ZFHX3: variants seen among roughly 807,000 people sequenced by gnomAD.
The protein encoded by ZFHX3 is zinc finger homeobox protein 3.
A neutral mutation model predicts 279.1 loss-of-function variants in ZFHX3; 42 were observed. The ratio of observed to expected loss-of-function variants is 0.15; its 90% CI spans 0.12 to 0.19. The LOEUF is 0.19. Among genes scored for constraint, ZFHX3 ranks in the 10% least tolerant of loss-of-function variants. The pLI is 1.00. For missense variants in ZFHX3, 4,981 were observed against 4,754.0 expected, an observed-to-expected ratio of 1.05 and a Z score of -1.40; for synonymous variants, 2,293 against 1,957.8, an observed-to-expected ratio of 1.17 and a Z score of -4.52.
intron 5 of ZFHX3, among the ~76,000 whole-genome samples, chr16:73,215,642 C>T (rs2012177617): frequency 6.6e-6 from 1 of 152,176 alleles, no homozygotes; most frequent in African/African-American, 2.4e-5. Context: ...CAACGTATCA[C>T]AAACTGCTGT....
intron 5 of ZFHX3, among the ~76,000 whole-genome samples, chr16:73,212,649 C>T (rs571755586): frequency 5.9e-5 from 9 of 152,330 alleles, no homozygotes; most frequent in African/African-American, 1.2e-4. Context: ...AGCTCATGAC[C>T]GTCACCTGGA....
chr16:73,606,164 T>G (rs1018380236), intron 2 of ZFHX3, among the ~76,000 whole-genome samples: 2 of 110,976 alleles, frequency 1.8e-5, no homozygotes, highest in Non-Finnish European at 3.3e-5. Flanking sequence ...CCTGGGGGAT[T>G]GAGCTAGGCT....
chr16:73,337,892 C>CCGG (rs1555510883), intron 3 of ZFHX3, among the ~76,000 whole-genome samples: 1 of 79,162 alleles, frequency 1.3e-5, no homozygotes, highest in Non-Finnish European at 3.0e-5. Flanking sequence ...CTTCCCTTGG[C>CCGG]GGGGGGGGGG....
intron 9 of ZFHX3, chr16:72,790,926 G>A (rs539931286): frequency 2.0e-5 from 3 of 152,300 alleles, no homozygotes; most frequent in Admixed American, 6.5e-5. Flanking sequence ...CTATATAAGA[G>A]GTTCAAATTT....
At chr16:73,586,507 GCTATA>G (rs2051928678) in intron 2 of ZFHX3, among the ~76,000 whole-genome samples, 1 of 148,880 alleles carries the variant, frequency 6.7e-6, no homozygotes, top group South Asian at 2.1e-4. Context: ...ACCTACTACA[GCTATA>G]CTATTATTAT....
chr16:73,862,634 G>C (rs1326905361), intron 1 of ZFHX3, among the ~76,000 whole-genome samples: 3 of 152,116 alleles, frequency 2.0e-5, no homozygotes, highest in Admixed American at 1.3e-4. Context: ...AAAGTAGCCA[G>C]GTGTGGTGGC....
chr16:72,896,145 T>C (rs866559680), intron 3 of ZFHX3, among the ~76,000 whole-genome samples: 4 of 152,182 alleles, frequency 2.6e-5, no homozygotes, highest in Admixed American at 6.5e-5. Flanking sequence ...CTCATCTGGA[T>C]TAACTGGAAA....
chr16:73,664,662 G>A (rs1294714761), intron 2 of ZFHX3, among the ~76,000 whole-genome samples: 1 of 152,148 alleles, frequency 6.6e-6, no homozygotes, highest in East Asian at 1.9e-4. Flanking sequence ...TATACCCGGT[G>A]TCATTTAGAT....
intron 2 of ZFHX3, among the ~76,000 whole-genome samples, chr16:73,634,406 A>C (rs2142150069): frequency 7.0e-6 from 1 of 143,348 alleles, no homozygotes; most frequent in African/African-American, 2.6e-5. Context: ...AGTCACGGAG[A>C]AGGCAACTCA....
intron 8 of ZFHX3, among the ~76,000 whole-genome samples, chr16:73,072,725 A>G (rs371924349): frequency 1.8e-4 from 28 of 152,116 alleles, no homozygotes; most frequent in Admixed American, 1.1e-3. Flanking sequence ...CCACCATGCC[A>G]GGCTAATTTG....
chr16:73,332,151 T>A (rs2015817185), intron 3 of ZFHX3, among the ~76,000 whole-genome samples: 1 of 152,164 alleles, frequency 6.6e-6, no homozygotes, highest in Non-Finnish European at 1.5e-5. Flanking sequence ...ACATTTCCAG[T>A]ATCCTGAAAA....
chr16:73,593,441 C>T (rs112404158), intron 2 of ZFHX3, among the ~76,000 whole-genome samples: 2,823 of 151,982 alleles, frequency 0.019, 100 homozygotes, highest in African/African-American at 0.065. Flanking sequence ...AGGTTTTATC[C>T]CAGAAATGAA....
chr16:73,368,612 A>G (rs1331569206), intron 3 of ZFHX3, among the ~76,000 whole-genome samples: 1 of 152,222 alleles, frequency 6.6e-6, no homozygotes. Context: ...TAAAAATATT[A>G]TAATGTATGG....
chr16:73,747,079 C>T (rs532399347), intron 1 of ZFHX3, among the ~76,000 whole-genome samples: 3 of 152,324 alleles, frequency 2.0e-5, no homozygotes, highest in East Asian at 3.9e-4. Flanking sequence ...TAGTGTCCCA[C>T]AGTAGAAGCA....
At chr16:73,349,102 A>ACAC (rs2016175085) in intron 3 of ZFHX3, among the ~76,000 whole-genome samples, 1 of 152,148 alleles carries the variant, frequency 6.6e-6, no homozygotes, top group Non-Finnish European at 1.5e-5. Context: ...AGTATTTTTC[A>ACAC]CACTTTCCCA....
At chr16:73,805,782 T>A (rs1357577215) in intron 1 of ZFHX3, among the ~76,000 whole-genome samples, 1 of 152,148 alleles carries the variant, frequency 6.6e-6, no homozygotes, top group African/African-American at 2.4e-5. Context: ...TAATGCTGGG[T>A]GGCATGTGAA....
At chr16:73,651,335 A>T (rs529941581) in intron 2 of ZFHX3, among the ~76,000 whole-genome samples, 1 of 152,088 alleles carries the variant, frequency 6.6e-6, no homozygotes, top group African/African-American at 2.4e-5. Context: ...GAGGATAGAG[A>T]GAATTGGCAA....
intron 1 of ZFHX3, among the ~76,000 whole-genome samples, chr16:73,883,789 G>T (rs1338727603): frequency 2.0e-5 from 3 of 152,012 alleles, no homozygotes; most frequent in Non-Finnish European, 2.9e-5. Flanking sequence ...GATAAGCAAA[G>T]GTTAGAAGGA....
intron 1 of ZFHX3, among the ~76,000 whole-genome samples, chr16:73,704,101 G>C (rs973677975): frequency 7.2e-5 from 11 of 152,048 alleles, no homozygotes; most frequent in Non-Finnish European, 1.3e-4. Flanking sequence ...AGACAAGATT[G>C]GGCACGTTCA....
Sources: gnomAD v4.1 joint callset for allele counts (sites outside exome capture counted in the v4.1 genomes callset) on GRCh38, gnomAD v4.1.1 for gene constraint, MANE v1.5 for transcripts, NCBI Gene and HGNC (gene_info 2026-07-23, HGNC 2026-07-21) for gene names.